Variants in HAP1 observed in about 807,000 individuals in gnomAD.
The protein encoded by HAP1 is huntingtin-associated protein 1.
In HAP1, 59 loss-of-function variants were observed where a neutral mutation model predicts 60.3. That is an observed-to-expected ratio of 0.98 (90% CI 0.79 to 1.22). The LOEUF is 1.22. Among genes scored for constraint, HAP1 ranks in the 50% most tolerant of loss-of-function variants. The probability of loss-of-function intolerance (pLI) is 0.00; values close to 1 mark genes in which losing one functional copy is unlikely to be tolerated. For missense variants in HAP1, 825 were observed against 785.3 expected (o/e 1.05, Z -0.60); for synonymous variants, 346 against 330.6 (o/e 1.05, Z -0.50).
downstream of HAP1, chr17:41,721,578 C>CT (rs1164419739): frequency 2.7e-5 from 5 of 187,708 alleles, no homozygotes; most frequent in East Asian, 3.7e-4. Context: ...TTTCTTTTCT[C>CT]TTTTTTTGAG....
At chr17:41,733,352 CTTT>C (rs1226491607) in intron 1 of HAP1, among the ~76,000 whole-genome samples, 16 of 74,666 alleles carry the variant, frequency 2.1e-4, no homozygotes, top group African/African-American at 2.2e-4. Flanking sequence ...CCGCGCCCGG[CTTT>C]TTTTTTTTTT....
rs782730053 is a variant in HAP1, at chr17:41,731,513, A to T, written c.1049T>A (p.Leu350Gln). 1 of 1,612,132 alleles carries T rather than the reference A, an allele frequency of 6.2e-7. No homozygotes were observed. Among genetic ancestry groups the T allele is most frequent in the Non-Finnish European group, 8.5e-7 (1 of 1,178,140 alleles). Residue 350 changes from leucine to glutamine, a missense_variant, in exon 6 of 11, where the codon CTG becomes CAG. Leu to Gln is a moderately radical substitution (Grantham distance 113). Coordinates refer to ENST00000347901, the MANE Select transcript of HAP1 (RefSeq NM_177977.3). ...TLEDEEQMLI[L>Q]ECVEQFSEAS... Reference sequence around the variant, plus strand: ...CGTACAAAACTGCTCCACACACTCCAGAATGAGCATCTGTTCCTCATCCTC... The same window carrying T: ...CGTACAAAACTGCTCCACACACTCCTGAATGAGCATCTGTTCCTCATCCTC...
rs782575093 is a variant in HAP1, at chr17:41,731,555, G to A, written c.1007C>T (p.Ser336Phe). ...EENHQLREEASQLDTLEDEEQ... is the reference protein window; with the variant it reads ...EENHQLREEAFQLDTLEDEEQ... ...CTCATCCTCAAGAGTGTCGAGTTGAGAGGCCTGGAGGGAGACAAAGAGGAA... is the reference window on the plus strand; with the variant it reads ...CTCATCCTCAAGAGTGTCGAGTTGAAAGGCCTGGAGGGAGACAAAGAGGAA... Residue 336 changes from serine to phenylalanine, a missense_variant, in exon 6 of 11, where the codon TCT becomes TTT. Physicochemically the swap from Ser to Phe is radical, Grantham distance 155. Transcript: ENST00000347901. 1.2e-6 allele frequency: 2 copies of A among 1,612,120 alleles called. No homozygotes were observed. The highest frequency in any genetic ancestry group is 1.7e-5 in the Admixed American group (1 of 59,996).
chr17:41,725,522 G>A (rs568042758), intron 10 of HAP1, among the ~76,000 whole-genome samples: 3 of 152,206 alleles, frequency 2.0e-5, no homozygotes, highest in Admixed American at 6.5e-5. Flanking sequence ...CAGGTCAAAT[G>A]ACTTGCCCAA....
At chr17:41,717,915 C>T (rs551516889), downstream of HAP1, 183 of 449,290 alleles carry the variant, frequency 4.1e-4, no homozygotes, top group African/African-American at 3.1e-3. Context: ...TCACTCCATT[C>T]CATCATTGTT....
Position 41,734,608 on chromosome 17 carries a change from GCACCGGCC to G in HAP1, c.19_26del (p.Gly7LeufsTer137). ...CGGGTCCGAGCCGGCTCCCCGCGCAGCACCGGCCCAACCTCTTCGGGCGCATCTCGAGT... is the reference window on the plus strand; with the variant it reads ...CGGGTCCGAGCCGGCTCCCCGCGCAGCAACCTCTTCGGGCGCATCTCGAGT... On this transcript the variant is annotated frameshift_variant, in exon 1 of 11. Transcript: ENST00000347901. LOFTEE classifies it high-confidence loss of function. 1 of 1,563,120 alleles carries G rather than the reference GCACCGGCC, an allele frequency of 6.4e-7. No homozygotes were observed. Among genetic ancestry groups the G allele is most frequent in the Non-Finnish European group, 8.7e-7 (1 of 1,155,750 alleles).
At chr17:41,727,992 ACG>A (rs1489013559) in intron 7 of HAP1, among the ~76,000 whole-genome samples, 156 bp from the exon 8 acceptor site, 1 of 152,160 alleles carries the variant, frequency 6.6e-6, no homozygotes, top group Non-Finnish European at 1.5e-5. Flanking sequence ...CAGGGGAGTC[ACG>A]CAGCCTGGTT....
chr17:41,734,493 G>A lies in HAP1; in HGVS notation c.142C>T (p.Gln48Ter), dbSNP rs1912553638. ...GAGGTGGCTCGGGATCCTACTCTCT[G>A]TCCAGTGCCCCGTGCCTGCGGCTGC... ...SAQPQARGTG[Q>*]RVGSRATSGS... is the part of the protein sequence containing the mutation. The change falls in exon 1 of 11, where the codon CAG becomes TAG. Residue 48 changes from glutamine (Q) to a stop codon, truncating the protein, a stop_gained. Transcript: ENST00000347901. LOFTEE classifies it high-confidence loss of function. The A allele has an allele frequency of 2.5e-6, 4 of 1,612,020 alleles. No individual in the cohort carries two copies. The highest frequency in any genetic ancestry group is 3.4e-6 in the Non-Finnish European group (4 of 1,179,516).
intron 8 of HAP1, 127 bp downstream of exon 8, chr17:41,727,635 G>T (rs948151884): frequency 9.6e-5 from 64 of 669,526 alleles, no homozygotes; most frequent in South Asian, 5.6e-4. Flanking sequence ...CATGGAGGGG[G>T]TGGAAACGGA....
chr17:41,732,504 C>T, intron 2 of HAP1, 110 bp from the exon 3 acceptor site: 1 of 1,209,978 alleles, frequency 8.3e-7, no homozygotes, highest in East Asian at 2.5e-5. Context: ...CACTGTGGAA[C>T]CTGGCTCAGT....
chr17:41,725,234 AT>A (rs1555588515), intron 10 of HAP1, 80 bp from the exon 11 acceptor site: 1 of 1,178,122 alleles, frequency 8.5e-7, no homozygotes, highest in Non-Finnish European at 1.2e-6. Context: ...CTCCACACAG[AT>A]CCTGATGGTT....
intron 6 of HAP1, chr17:41,730,034 AG>A: frequency 2.5e-5 from 1 of 40,130 alleles, no homozygotes; most frequent in Non-Finnish European, 5.2e-5. Flanking sequence ...AGAAAGAAAG[AG>A]AGAGAGAGAG....
rs1025728234 is a variant in HAP1, at chr17:41,734,394, G to A, written c.241C>T (p.Arg81Trp). 1 of 1,606,308 alleles carries A rather than the reference G, an allele frequency of 6.2e-7. No homozygotes were observed. Among genetic ancestry groups the A allele is most frequent in the Non-Finnish European group, 8.5e-7 (1 of 1,174,832 alleles). ...ATGGCCGAGAATGCGGACGGGCGCCGGGCTCCTGCCTTGGCTCCAGCCTCC... is the reference window on the plus strand; with the variant it reads ...ATGGCCGAGAATGCGGACGGGCGCCAGGCTCCTGCCTTGGCTCCAGCCTCC... ...ASEAGAKAGA[R>W]RPSAFSAIQG... is the part of the protein sequence containing the mutation. Residue 81 changes from arginine (R) to tryptophan (W), a missense_variant, in exon 1 of 11, where the codon CGG becomes TGG. Physicochemically the swap from Arg to Trp is moderately radical, Grantham distance 101. Transcript: ENST00000347901.
At chr17:41,732,512 A>G in intron 2 of HAP1, 118 bp from the exon 3 acceptor site, 1 of 1,135,690 alleles carries the variant, frequency 8.8e-7, no homozygotes, top group Non-Finnish European at 1.3e-6. Flanking sequence ...AACCTGGCTC[A>G]GTTTCCCCTC....
chr17:41,734,470 G>A lies in HAP1; in HGVS notation c.165C>T (p.Thr55=), dbSNP rs1555592139. The A allele has an allele frequency of 5.0e-6, 8 of 1,611,456 alleles. No individual in the cohort carries two copies. Among genetic ancestry groups the A allele is most frequent in the Non-Finnish European group, 6.8e-6 (8 of 1,178,940 alleles). The change falls in exon 1 of 11, where the codon ACC becomes ACT. Residue 55 remains threonine, a synonymous_variant. Coordinates refer to ENST00000347901, the MANE Select transcript of HAP1 (RefSeq NM_177977.3). ...GTGQRVGSRA[T]SGSQFLSEAR... is the part of the protein sequence containing the mutation. ...CTTCCGAGAGGAACTGGGATCCAGA[G>A]GTGGCTCGGGATCCTACTCTCTGTC...
intron 6 of HAP1, among the ~76,000 whole-genome samples, chr17:41,729,098 G>A (rs1039077308): frequency 1.3e-5 from 2 of 151,250 alleles, no homozygotes; most frequent in African/African-American, 2.4e-5. Flanking sequence ...GCGCCACCAC[G>A]CCCAGTTAAT....
chr17:41,734,407 G>A lies in HAP1; in HGVS notation c.228C>T (p.Ala76=). 6.2e-7 allele frequency: 1 copy of A among 1,607,624 alleles called. No homozygotes were observed. The highest frequency in any genetic ancestry group is 8.5e-7 in the Non-Finnish European group (1 of 1,175,834). ...CGGACGGGCGCCGGGCTCCTGCCTT[G>A]GCTCCAGCCTCCGAGGCCGGGCGAG... ...TGARPASEAG[A]KAGARRPSAF... is the part of the protein sequence containing the mutation. Residue 76 remains alanine (A), a synonymous_variant, in exon 1 of 11, where the codon GCC becomes GCT. Coordinates refer to ENST00000347901, the MANE Select transcript of HAP1 (RefSeq NM_177977.3).
downstream of HAP1, chr17:41,717,891 G>T (rs1053845409): frequency 1.2e-5 from 5 of 429,966 alleles, no homozygotes; most frequent in South Asian, 4.8e-5. Context: ...GCTGGTGCAG[G>T]CATTGCTGGT....
Position 41,734,579 on chromosome 17 carries a change from TC to T in HAP1, c.55del (p.Asp19ThrfsTer32). 1 of 1,588,878 alleles carries T rather than the reference TC, an allele frequency of 6.3e-7. No individual in the cohort carries two copies. Among genetic ancestry groups the T allele is most frequent in the Non-Finnish European group, 8.6e-7 (1 of 1,168,814 alleles). ...CCAGSRLGPG[D>X]PAALTCAPSP... Reference sequence around the variant, plus strand: ...AGGTGCACAGGTGAGTGCTGCTGGGTCCCCGGGTCCGAGCCGGCTCCCCGCG... The same window carrying T: ...AGGTGCACAGGTGAGTGCTGCTGGGTCCCGGGTCCGAGCCGGCTCCCCGCG... On this transcript the variant is annotated frameshift_variant, in exon 1 of 11. Transcript: ENST00000347901. LOFTEE classifies it high-confidence loss of function.
Sources: allele counts gnomAD v4.1 joint callset (sites outside exome capture counted in the v4.1 genomes callset), GRCh38; gene constraint gnomAD v4.1.1; transcripts MANE v1.5; gene names NCBI Gene and HGNC (gene_info 2026-07-23, HGNC 2026-07-21).